The following RNF217 variants were observed in gnomAD, a reference collection of about 807,000 sequenced individuals.
The protein encoded by RNF217 is E3 ubiquitin-protein ligase RNF217.
Under a neutral mutation model 57.8 loss-of-function variants are expected in RNF217, and 31 were observed. The ratio of observed to expected loss-of-function variants is 0.54; its 90% CI spans 0.40 to 0.72. The LOEUF (loss-of-function observed/expected upper bound fraction) is 0.72. Among genes scored for constraint, RNF217 ranks in the 30% least tolerant of loss-of-function variants. RNF217 has a pLI of 0.00. For missense variants in RNF217, 696 were observed against 708.3 expected (o/e 0.98, Z 0.20); for synonymous variants, 313 against 294.0 (o/e 1.06, Z -0.66).
At chr6:125,070,541 G>A (rs76178110) in intron 3 of RNF217, among the ~76,000 whole-genome samples, 3,477 of 152,142 alleles carry the variant, frequency 0.023, 120 homozygotes, top group African/African-American at 0.078. Flanking sequence ...GGCCATTCTT[G>A]TAGGAGTAAG....
intron 1 of RNF217, among the ~76,000 whole-genome samples, chr6:124,969,467 A>G (rs2114985424): frequency 1.3e-5 from 2 of 152,280 alleles, no homozygotes; most frequent in African/African-American, 4.8e-5. Context: ...TGGGAGAATG[A>G]CTTCTAGTTT....
chr6:124,991,314 G>C (rs1292136729), intron 1 of RNF217, among the ~76,000 whole-genome samples: 4 of 152,126 alleles, frequency 2.6e-5, no homozygotes. Flanking sequence ...TCCAGTAGCT[G>C]TTCATCTTTC....
chr6:125,003,383 A>G (rs988741889), intron 1 of RNF217, among the ~76,000 whole-genome samples: 2 of 152,154 alleles, frequency 1.3e-5, no homozygotes, highest in African/African-American at 4.8e-5. Context: ...TGACCTTGGA[A>G]AAGTTAGTTA....
intron 3 of RNF217, 134 bp from the exon 4 acceptor site, chr6:125,076,523 T>G (rs1788377836): frequency 3.2e-6 from 2 of 627,098 alleles, no homozygotes; most frequent in African/African-American, 1.8e-5. Flanking sequence ...ATAAGCAAAT[T>G]CACAGCCTCA....
chr6:124,981,985 G>A (rs980491235), intron 1 of RNF217, among the ~76,000 whole-genome samples: 15 of 137,878 alleles, frequency 1.1e-4, no homozygotes, highest in African/African-American at 2.7e-4. Context: ...CCGAGATCGC[G>A]CCGCTGCACT....
At chr6:124,989,670 T>TA (rs1784484021) in intron 1 of RNF217, among the ~76,000 whole-genome samples, 1 of 152,186 alleles carries the variant, frequency 6.6e-6, no homozygotes, top group Admixed American at 6.5e-5. Flanking sequence ...CAATTATTAC[T>TA]ATTCTTTTCA....
intron 3 of RNF217, among the ~76,000 whole-genome samples, chr6:125,066,558 T>G (rs1282724018): frequency 2.0e-5 from 3 of 152,142 alleles, no homozygotes. Flanking sequence ...CTTACATGTT[T>G]TTGAGGAAAA....
At chr6:125,047,294 A>T (rs1787134125) in intron 2 of RNF217, among the ~76,000 whole-genome samples, 1 of 152,098 alleles carries the variant, frequency 6.6e-6, no homozygotes, top group Non-Finnish European at 1.5e-5. Flanking sequence ...AAATGGGTAA[A>T]GGAGTTATAA....
chr6:125,011,218 A>T (rs1178553216), intron 1 of RNF217, among the ~76,000 whole-genome samples: 1 of 152,190 alleles, frequency 6.6e-6, no homozygotes, highest in African/African-American at 2.4e-5. Context: ...GGACAGTAGA[A>T]AGCTAAAGAC....
At chr6:125,011,856 C>T (rs776626509) in intron 1 of RNF217, among the ~76,000 whole-genome samples, 3 of 151,952 alleles carry the variant, frequency 2.0e-5, no homozygotes, top group Non-Finnish European at 4.4e-5. Context: ...AAACTCTTCT[C>T]GGTGAGATAA....
chr6:125,046,718 TAGCTTTG>T, intron 2 of RNF217: 6 of 455,728 alleles, frequency 1.3e-5, no homozygotes, highest in Non-Finnish European at 2.6e-5. Flanking sequence ...ATTCATTTTG[TAGCTTTG>T]AGGGGACCAT....
chr6:125,066,156 A>G (rs1263729231), intron 3 of RNF217, among the ~76,000 whole-genome samples: 1 of 152,170 alleles, frequency 6.6e-6, no homozygotes, highest in African/African-American at 2.4e-5. Context: ...ACCTGGGGCA[A>G]GGCATCATCG....
intron 1 of RNF217, among the ~76,000 whole-genome samples, chr6:125,000,908 T>C (rs559755000): frequency 2.6e-4 from 39 of 152,276 alleles, no homozygotes; most frequent in African/African-American, 8.4e-4. Context: ...CTTTCTTTTA[T>C]ATGTAATGCC....
At chr6:125,013,915 A>C (rs1157248717) in intron 1 of RNF217, among the ~76,000 whole-genome samples, 1 of 152,236 alleles carries the variant, frequency 6.6e-6, no homozygotes, top group Non-Finnish European at 1.5e-5. Context: ...GAAATGTGTT[A>C]ACATAAATCC....
chr6:124,977,194 C>A (rs7761517), intron 1 of RNF217, among the ~76,000 whole-genome samples: 123,357 of 152,134 alleles, frequency 0.81, 50,489 homozygotes, highest in East Asian at 0.89. Flanking sequence ...GACTAGTTGC[C>A]AGATTAACAT....
intron 1 of RNF217, among the ~76,000 whole-genome samples, chr6:125,039,186 C>A (rs749059173): frequency 1.2e-4 from 18 of 152,030 alleles, no homozygotes; most frequent in South Asian, 2.1e-4. Flanking sequence ...GGCCTCATTC[C>A]TTTTTATGGC....
chr6:125,016,794 G>A (rs550738980), intron 1 of RNF217, among the ~76,000 whole-genome samples: 2 of 152,010 alleles, frequency 1.3e-5, no homozygotes, highest in East Asian at 3.9e-4. Context: ...GGGGGTGGGG[G>A]GCAAGGGGAG....
chr6:125,056,509 G>A (rs997679444), intron 2 of RNF217, among the ~76,000 whole-genome samples: 1 of 152,098 alleles, frequency 6.6e-6, no homozygotes, highest in Non-Finnish European at 1.5e-5. Context: ...TTGCACAAGA[G>A]GAGCATTATC....
At chr6:125,055,445 A>G (rs918840090) in intron 2 of RNF217, among the ~76,000 whole-genome samples, 1 of 152,194 alleles carries the variant, frequency 6.6e-6, no homozygotes, top group African/African-American at 2.4e-5. Flanking sequence ...ATGCATTGCT[A>G]TAATTGTCTT....
Sources: allele counts gnomAD v4.1 joint callset (sites outside exome capture counted in the v4.1 genomes callset), GRCh38; gene constraint gnomAD v4.1.1; transcripts MANE v1.5; gene names NCBI Gene and HGNC (gene_info 2026-07-23, HGNC 2026-07-21).